CNKSR2: variants seen among roughly 807,000 people sequenced by gnomAD.
CNKSR2 encodes the protein connector enhancer of kinase suppressor of Ras 2.
CNKSR2 carries 14 observed loss-of-function variants against 84.4 expected under a neutral mutation model. That is an observed-to-expected ratio of 0.17 (90% CI 0.11 to 0.26). The LOEUF (loss-of-function observed/expected upper bound fraction) is 0.26, where lower values mean the gene tolerates loss of function less well. Ranked by LOEUF, CNKSR2 falls within the 10% of genes least tolerant of loss-of-function variation. The pLI is 1.00. For missense variants in CNKSR2, 485 were observed against 771.2 expected (o/e 0.63, Z 4.40); for synonymous variants, 275 against 277.9 (o/e 0.99, Z 0.10).
At chrX:21,380,081 G>A (rs1034917531) in intron 1 of CNKSR2, among the ~76,000 whole-genome samples, 6 of 110,985 alleles carry the variant, frequency 5.4e-5, no homozygotes, top group Non-Finnish European at 9.4e-5. Flanking sequence ...GCATGAGTAG[G>A]TGGCACAAAA....
intron 5 of CNKSR2, among the ~76,000 whole-genome samples, chrX:21,487,380 T>C (rs952702303): frequency 8.9e-5 from 10 of 112,124 alleles, no homozygotes; most frequent in Admixed American, 3.8e-4. Context: ...AAGAGTGTTA[T>C]ATGAGGCCTT....
At position 21,386,123 on chromosome X, in the gene CNKSR2, A is replaced by G. The variant is rs2089966841; in HGVS notation, c.64+11162A>G. On this transcript the variant is annotated intron_variant, in intron 1 of 21. Coordinates refer to ENST00000379510, the MANE Select transcript of CNKSR2 (RefSeq NM_014927.5). ...GGATTGTTAATATGTGGTGCCTGAT[A>G]ATAGACATTCATAAGTATATCACAT... Among the ~76,000 whole-genome samples, 3 of 110,330 alleles carry G rather than the reference A, an allele frequency of 2.7e-5. No individual in the cohort carries two copies. In the Admixed American group the frequency reaches 2.9e-4, roughly 11 times the overall value.
chrX:21,412,248 T>C (rs2090355119), intron 1 of CNKSR2, among the ~76,000 whole-genome samples: 2 of 111,870 alleles, frequency 1.8e-5, no homozygotes, highest in Admixed American at 1.9e-4. Context: ...CATTACCACT[T>C]CCTCTTACCT....
chrX:21,532,906 A>C (rs948121135), intron 11 of CNKSR2, among the ~76,000 whole-genome samples: 6 of 111,440 alleles, frequency 5.4e-5, no homozygotes, highest in African/African-American at 1.9e-4. Context: ...GAGCAGAAGC[A>C]AAGTTGTTTT....
At chrX:21,520,689 CTTT>C (rs749709439) in intron 9 of CNKSR2, among the ~76,000 whole-genome samples, 1 of 98,310 alleles carries the variant, frequency 1.0e-5, no homozygotes, top group African/African-American at 3.6e-5. Context: ...AAAAACCCAG[CTTT>C]TTTTTTTTTT....
At chrX:21,467,063 A>T in intron 4 of CNKSR2, among the ~76,000 whole-genome samples, 1 of 111,795 alleles carries the variant, frequency 8.9e-6, no homozygotes, top group Non-Finnish European at 1.9e-5. Context: ...GTGCAATCAA[A>T]ATACAATTCT....
chrX:21,589,870 GT>G (rs1263936085), intron 13 of CNKSR2, among the ~76,000 whole-genome samples: 3 of 110,363 alleles, frequency 2.7e-5, no homozygotes, highest in Non-Finnish European at 5.7e-5. Flanking sequence ...CCTCAATGAA[GT>G]TTTTTTTTAA....
intron 5 of CNKSR2, 137 bp from the exon 6 acceptor site, chrX:21,490,322 C>T: frequency 1.8e-6 from 1 of 552,826 alleles, no homozygotes; most frequent in Non-Finnish European, 2.8e-6. Flanking sequence ...TTTCTTTGTA[C>T]AGATTTTACA....
chrX:21,410,283 A>G, intron 1 of CNKSR2, among the ~76,000 whole-genome samples: 1 of 111,345 alleles, frequency 9.0e-6, no homozygotes, highest in Non-Finnish European at 1.9e-5. Flanking sequence ...TTAAGAAGCA[A>G]TGGAAAACTG....
At chrX:21,469,145 C>A (rs2091165787) in intron 4 of CNKSR2, among the ~76,000 whole-genome samples, 1 of 111,207 alleles carries the variant, frequency 9.0e-6, no homozygotes, top group Non-Finnish European at 1.9e-5. Context: ...GAGGAGAATC[C>A]CTTTGAAGTT....
chrX:21,505,152 A>C (rs981424211), intron 8 of CNKSR2: 39 of 145,247 alleles, frequency 2.7e-4, no homozygotes, highest in African/African-American at 1.2e-3. Context: ...TTGGTGTGCA[A>C]AGGGTTCTAA....
rs943621984 is a variant in CNKSR2 at position 21,541,687 on chromosome X, C to G, written c.1303+9620C>G. Among the ~76,000 whole-genome samples, 3 of 111,664 alleles carry G rather than the reference C, an allele frequency of 2.7e-5. No homozygotes were observed. In the Admixed American group the frequency reaches 2.8e-4, roughly 11 times the overall value. ...AATACCTGTTGAGCGTTCAGGTATGCCAAACACAGTTCTAAGCATTTAAAA... is the reference window on the plus strand; with the variant it reads ...AATACCTGTTGAGCGTTCAGGTATGGCAAACACAGTTCTAAGCATTTAAAA... On this transcript the variant is annotated intron_variant, in intron 11 of 21. Transcript: ENST00000379510.
At chrX:21,398,076 A>T (rs1249649931) in intron 1 of CNKSR2, among the ~76,000 whole-genome samples, 1 of 111,627 alleles carries the variant, frequency 9.0e-6, no homozygotes, top group Non-Finnish European at 1.9e-5. Flanking sequence ...AGTGTTATAA[A>T]GCCTCAACAA....
intron 20 of CNKSR2, among the ~76,000 whole-genome samples, chrX:21,629,044 A>G (rs752489136): frequency 8.9e-6 from 1 of 112,372 alleles, no homozygotes; most frequent in Admixed American, 9.4e-5. Context: ...TTCTTCCACC[A>G]GATACCCTAA....
chrX:21,375,060 G>T, intron 1 of CNKSR2, 99 bp downstream of exon 1: 2 of 718,559 alleles, frequency 2.8e-6, no homozygotes, highest in Non-Finnish European at 4.4e-6. Flanking sequence ...CGCCACCGCG[G>T]CTTCCACTGG....
At chrX:21,394,627 T>C (rs1232796151) in intron 1 of CNKSR2, among the ~76,000 whole-genome samples, 1 of 111,687 alleles carries the variant, frequency 9.0e-6, no homozygotes, top group Non-Finnish European at 1.9e-5. Flanking sequence ...TGAATCAGTA[T>C]AGACCTCATC....
intron 21 of CNKSR2, 41 bp from the exon 22 acceptor site, chrX:21,652,265 C>A: frequency 9.3e-7 from 1 of 1,080,918 alleles, no homozygotes; most frequent in Non-Finnish European, 1.3e-6. Flanking sequence ...TTGAATAAAA[C>A]TTTGTCCCTG....
chrX:21,414,975 C>T (rs143630878), intron 1 of CNKSR2, among the ~76,000 whole-genome samples: 3,658 of 111,311 alleles, frequency 0.033, 54 homozygotes, highest in Non-Finnish European at 0.052. Flanking sequence ...AATTTGAAGT[C>T]AGTTCTGTGA....
At chrX:21,446,945 A>G (rs1304711749) in intron 4 of CNKSR2, among the ~76,000 whole-genome samples, 2 of 111,634 alleles carry the variant, frequency 1.8e-5, no homozygotes, top group South Asian at 7.4e-4. Context: ...TAACTACAGC[A>G]TTACCAATAT....
Sources: gnomAD v4.1 joint callset for allele counts (sites outside exome capture counted in the v4.1 genomes callset) on GRCh38, gnomAD v4.1.1 for gene constraint, MANE v1.5 for transcripts, NCBI Gene and HGNC (gene_info 2026-07-23, HGNC 2026-07-21) for gene names.